Variants in ALK observed in about 807,000 individuals in gnomAD.
The protein encoded by ALK is ALK tyrosine kinase receptor.
Under a neutral mutation model 163.1 loss-of-function variants are expected in ALK, and 74 were observed. The observed-to-expected ratio is 0.45, with a 90% confidence interval of 0.38 to 0.55. The LOEUF (loss-of-function observed/expected upper bound fraction) is 0.55, where lower values mean the gene tolerates loss of function less well. Among genes scored for constraint, ALK ranks in the 20% least tolerant of loss-of-function variants. The pLI, the probability that ALK is intolerant of heterozygous loss-of-function variation, is 0.00. For missense variants in ALK, 2,063 were observed against 2,105.3 expected, an observed-to-expected ratio of 0.98 and a Z score of 0.39; for synonymous variants, 960 against 843.2, an observed-to-expected ratio of 1.14 and a Z score of -2.40.
Position 29,232,244 on chromosome 2 carries a change from C to T in ALK, c.2632+60G>A, listed in dbSNP as rs968250151. ...GATGCCCTCAGGCATGCGATGGCAT[C>T]GGGGCCCAGCTGAAGGCCTGGGAGA... On this transcript the variant is annotated intron_variant, in intron 15 of 28. Coordinates refer to ENST00000389048, the MANE Select transcript of ALK (RefSeq NM_004304.5). The T allele has an allele frequency of 1.2e-5, 20 of 1,610,536 alleles. 1 individual carries two copies. Among genetic ancestry groups the T allele is most frequent in the East Asian group, 6.7e-5 (3 of 44,860 alleles).
At chr2:29,511,463 T>A (rs1303487034) in intron 4 of ALK, among the ~76,000 whole-genome samples, 3 of 152,228 alleles carry the variant, frequency 2.0e-5, no homozygotes, top group African/African-American at 7.2e-5. Context: ...TTATCATATA[T>A]ATCAGTATTT....
chr2:29,828,986 T>TA (rs950186010), intron 1 of ALK, among the ~76,000 whole-genome samples: 2 of 151,604 alleles, frequency 1.3e-5, no homozygotes, highest in Non-Finnish European at 2.9e-5. Flanking sequence ...TATGCAGCCA[T>TA]AAAAAATGAT....
Position 29,717,663 on chromosome 2 carries a change from A to C in ALK, c.702T>G (p.Pro234=), listed in dbSNP as rs2246745. ...HSSLESPTNM[P]SPSPDYFTWN... is the part of the protein sequence containing the mutation. ...ATGTAAAATAATCAGGAGAAGGAGA[A>C]GGCATGTTTGTTGGTGATTCCAAGG... The change falls in exon 2 of 29, where the codon CCT becomes CCG. Residue 234 remains proline (P), a synonymous_variant. Transcript: ENST00000389048. The C allele has an allele frequency of 1.9e-4, 307 of 1,613,806 alleles. No homozygotes were observed. Among genetic ancestry groups the C allele is most frequent in the Non-Finnish European group, 2.4e-4 (281 of 1,179,918 alleles).
chr2:29,405,285 C>G (rs974409335), intron 4 of ALK, among the ~76,000 whole-genome samples: 2 of 152,104 alleles, frequency 1.3e-5, no homozygotes. Context: ...CTGTTCCTTT[C>G]GAAACTCTGA....
At chr2:29,510,497 G>A (rs1245067556) in intron 4 of ALK, among the ~76,000 whole-genome samples, 1 of 152,108 alleles carries the variant, frequency 6.6e-6, no homozygotes, top group Admixed American at 6.5e-5. Flanking sequence ...ATTTCCTTGA[G>A]CCTTAGTTTT....
intron 3 of ALK, among the ~76,000 whole-genome samples, chr2:29,598,713 A>G (rs1355292802): frequency 1.3e-5 from 2 of 152,218 alleles, no homozygotes; most frequent in Non-Finnish European, 2.9e-5. Flanking sequence ...ATGGAAGGAA[A>G]TGCTCTAAAA....
chr2:29,415,637 T>C (rs1418936984), intron 4 of ALK, among the ~76,000 whole-genome samples: 1 of 152,202 alleles, frequency 6.6e-6, no homozygotes, highest in African/African-American at 2.4e-5. Context: ...ATGACTGGGC[T>C]AAGGGATACC....
chr2:29,753,374 G>A (rs990910949), intron 1 of ALK, among the ~76,000 whole-genome samples: 3 of 152,018 alleles, frequency 2.0e-5, no homozygotes, highest in Non-Finnish European at 4.4e-5. Flanking sequence ...GGTAAGTTAC[G>A]GGGGGGAGCA....
chr2:29,838,816 A>T (rs1195839144), intron 1 of ALK, among the ~76,000 whole-genome samples: 1 of 152,180 alleles, frequency 6.6e-6, no homozygotes, highest in Non-Finnish European at 1.5e-5. Flanking sequence ...TAGAAATATT[A>T]TATATCTCAA....
intron 1 of ALK, among the ~76,000 whole-genome samples, chr2:29,903,336 T>C (rs888209064): frequency 2.6e-5 from 4 of 152,164 alleles, no homozygotes; most frequent in Non-Finnish European, 5.9e-5. Context: ...CTTGCTCAGA[T>C]AGTCCTTTTA....
chr2:29,554,933 T>A (rs983119810), intron 3 of ALK, among the ~76,000 whole-genome samples: 1 of 152,106 alleles, frequency 6.6e-6, no homozygotes, highest in Non-Finnish European at 1.5e-5. Flanking sequence ...ACCATGACAG[T>A]TTACAAATGC....
At chr2:29,664,214 C>T (rs1411730335) in intron 3 of ALK, among the ~76,000 whole-genome samples, 1 of 152,106 alleles carries the variant, frequency 6.6e-6, no homozygotes, top group African/African-American at 2.4e-5. Context: ...GCATTCCAAC[C>T]ATGGTTCAGA....
At chr2:29,665,003 C>CCT (rs1182522121) in intron 3 of ALK, among the ~76,000 whole-genome samples, 2 of 133,794 alleles carry the variant, frequency 1.5e-5, no homozygotes. Flanking sequence ...TTCTTTTTTT[C>CCT]TTTTTTTTTT....
At chr2:29,898,455 A>G (rs1228096498) in intron 1 of ALK, among the ~76,000 whole-genome samples, 1 of 152,246 alleles carries the variant, frequency 6.6e-6, no homozygotes, top group Non-Finnish European at 1.5e-5. Flanking sequence ...TCAGCACCAG[A>G]GAAAAAGCTG....
chr2:29,433,144 T>C (rs1237108381), intron 4 of ALK, among the ~76,000 whole-genome samples: 2 of 152,184 alleles, frequency 1.3e-5, no homozygotes, highest in African/African-American at 4.8e-5. Context: ...ATTGAACCCA[T>C]AGTAGGGACT....
chr2:29,358,298 C>T (rs1251339738), intron 5 of ALK, among the ~76,000 whole-genome samples: 1 of 152,222 alleles, frequency 6.6e-6, no homozygotes, highest in Non-Finnish European at 1.5e-5. Context: ...AAATTTAAAT[C>T]TCTGAATGAT....
intron 2 of ALK, among the ~76,000 whole-genome samples, chr2:29,695,490 T>C (rs1678527523): frequency 6.6e-6 from 1 of 152,162 alleles, no homozygotes; most frequent in Non-Finnish European, 1.5e-5. Context: ...AAGTTTGCCG[T>C]AAGAACTGGT....
intron 28 of ALK, among the ~76,000 whole-genome samples, chr2:29,195,800 G>C (rs1669007761): frequency 6.6e-6 from 1 of 152,164 alleles, no homozygotes; most frequent in African/African-American, 2.4e-5. Flanking sequence ...AGATATCCTG[G>C]CAGAACGAGA....
In ALK at chr2:29,750,693, AAGGAAGGC is replaced by A. The variant is rs1239228397; in HGVS notation, c.668-33004_668-32997del. Among the ~76,000 whole-genome samples the A allele has an allele frequency of 1.2e-3, 121 of 99,006 alleles. 2 individuals carry two copies. The highest frequency in any genetic ancestry group is 2.5e-3 in the African/African-American group (60 of 24,250). 65.0% of individuals were successfully genotyped at this position (99,006 alleles called of 152,430 possible). A position where few individuals can be genotyped will look rare whatever the true frequency, so the allele number is the denominator to read the frequency against. On this transcript the variant is annotated intron_variant, in intron 1 of 28. Coordinates refer to ENST00000389048, the MANE Select transcript of ALK (RefSeq NM_004304.5). ...GAAGGAAGGAAGGAAGGAAGGAAGG[AAGGAAGGC>A]AGGCAGGCAGGAAGGAAGGAAGGAA...
Sources: gnomAD v4.1 joint callset for allele counts (sites outside exome capture counted in the v4.1 genomes callset) on GRCh38, gnomAD v4.1.1 for gene constraint, MANE v1.5 for transcripts, NCBI Gene and HGNC (gene_info 2026-07-23, HGNC 2026-07-21) for gene names.